The following KDM4C variants were observed in gnomAD, a reference collection of about 807,000 sequenced individuals.
KDM4C encodes the protein lysine demethylase 4C, also known as lysine-specific demethylase 4C.
A neutral mutation model predicts 129.3 loss-of-function variants in KDM4C; 81 were observed. The observed-to-expected ratio is 0.63, with a 90% CI of 0.52 to 0.75. The LOEUF (loss-of-function observed/expected upper bound fraction) is 0.75. KDM4C is among the 30% of genes least tolerant of loss of function. The pLI is 0.00. For synonymous variants in KDM4C, 573 were observed against 456.1 expected (o/e 1.26, Z -3.26); for missense variants, 1,457 against 1,304.0 (o/e 1.12, Z -1.81).
intron 8 of KDM4C, among the ~76,000 whole-genome samples, chr9:6,940,527 G>A (rs1009006085): frequency 6.6e-6 from 1 of 152,128 alleles, no homozygotes; most frequent in Non-Finnish European, 1.5e-5. Flanking sequence ...TAATAACAGT[G>A]CAAATTGCTA....
chr9:6,802,068 G>A lies in KDM4C; in HGVS notation c.145-3531G>A, dbSNP rs575063801. 1.2e-3 allele frequency among the ~76,000 whole-genome samples: 184 copies of A among 150,636 alleles called. 3 individuals are homozygous for A. The highest frequency in any genetic ancestry group is 6.8e-3 in the Middle Eastern group (2 of 292). Reference sequence around the variant, plus strand: ...TCCAGTGAGCTGACATCGCGCCATTGCACTCCAGCCTGGGGAACAAAAGAG... The same window carrying A: ...TCCAGTGAGCTGACATCGCGCCATTACACTCCAGCCTGGGGAACAAAAGAG... On this transcript the variant is annotated intron_variant, in intron 2 of 21. Coordinates refer to ENST00000381309, the MANE Select transcript of KDM4C (RefSeq NM_015061.6).
intron 5 of KDM4C, among the ~76,000 whole-genome samples, chr9:6,850,513 T>G (rs548216379): frequency 1.0e-3 from 159 of 152,230 alleles, no homozygotes; most frequent in African/African-American, 3.5e-3. Flanking sequence ...TGGCGCGATC[T>G]TGGCTCACTG....
chr9:6,848,369 C>G (rs10815471), intron 4 of KDM4C, among the ~76,000 whole-genome samples: 67,344 of 151,898 alleles, frequency 0.44, 16,125 homozygotes, highest in East Asian at 0.62. Context: ...GAACTGTAGT[C>G]AATTCATGAG....
At chr9:6,946,930 C>G (rs1016396337) in intron 8 of KDM4C, among the ~76,000 whole-genome samples, 4 of 152,032 alleles carry the variant, frequency 2.6e-5, no homozygotes, top group African/African-American at 9.7e-5. Flanking sequence ...ATGCATCTCA[C>G]TTCATTTGCT....
intron 4 of KDM4C, among the ~76,000 whole-genome samples, chr9:6,841,599 T>C (rs1836919500): frequency 6.6e-6 from 1 of 152,216 alleles, no homozygotes; most frequent in Admixed American, 6.5e-5. Context: ...CCCTAAAATA[T>C]GCCAGAGTGA....
chr9:6,927,448 T>C (rs929697482), intron 8 of KDM4C, among the ~76,000 whole-genome samples: 1 of 152,170 alleles, frequency 6.6e-6, no homozygotes, highest in African/African-American at 2.4e-5. Flanking sequence ...CTAACATTTA[T>C]TCCATATAGT....
intron 2 of KDM4C, among the ~76,000 whole-genome samples, 198 bp from the exon 3 acceptor site, chr9:6,805,401 T>G (rs1829778554): frequency 1.3e-5 from 2 of 152,104 alleles, no homozygotes; most frequent in African/African-American, 4.8e-5. Flanking sequence ...GTGTTTGGGA[T>G]AGTGAGTACT....
At chr9:7,003,472 C>T in intron 12 of KDM4C, among the ~76,000 whole-genome samples, 1 of 147,074 alleles carries the variant, frequency 6.8e-6, no homozygotes, top group South Asian at 2.1e-4. Flanking sequence ...GAAGTTGTGT[C>T]CTTTGGAATG....
intron 8 of KDM4C, among the ~76,000 whole-genome samples, chr9:6,947,306 A>T (rs1334403312): frequency 6.6e-6 from 1 of 152,184 alleles, no homozygotes. Context: ...ACATTTATTT[A>T]CATGAGAAAC....
intron 1 of KDM4C, among the ~76,000 whole-genome samples, chr9:6,760,214 C>T (rs1399741628): frequency 1.3e-5 from 2 of 151,682 alleles, no homozygotes; most frequent in African/African-American, 4.8e-5. Context: ...ACTATCTGGT[C>T]TTCTGTGAGT....
At chr9:6,903,889 T>G (rs575097018) in intron 8 of KDM4C, among the ~76,000 whole-genome samples, 158 of 152,330 alleles carry the variant, frequency 1.0e-3, no homozygotes, top group African/African-American at 3.6e-3. Context: ...CTACACAATG[T>G]TATTCAAGAT....
rs145582517 is a variant in KDM4C, at chr9:7,098,668, C to T, written c.2425-5017C>T. On this transcript the variant is annotated intron_variant, in intron 17 of 21. Transcript: ENST00000381309. ...CAGTGTCCTCCATTTCCTTCCCTCC[C>T]CAGCCACTCTTTAGCTGACTAGATA... Among the ~76,000 whole-genome samples, 131 of 152,288 alleles carry T rather than the reference C, an allele frequency of 8.6e-4. 1 individual carries two copies. The highest frequency in any genetic ancestry group is 3.0e-3 in the African/African-American group (124 of 41,554).
chr9:6,820,837 A>G (rs1005150437), intron 4 of KDM4C, among the ~76,000 whole-genome samples: 1 of 151,672 alleles, frequency 6.6e-6, no homozygotes, highest in Non-Finnish European at 1.5e-5. Context: ...CATCATTCAC[A>G]GTAGATATTT....
Position 6,788,668 on chromosome 9 carries a change from G to A in KDM4C, c.-17-4304G>A, listed in dbSNP as rs116641340. On this transcript the variant is annotated intron_variant, in intron 1 of 21. Coordinates refer to ENST00000381309, the MANE Select transcript of KDM4C (RefSeq NM_015061.6). ...TACTGTGAGCCAGGCTGGGGTGCCA[G>A]ACTGTATGCTAGGGCTTAAAGAGGT... Among the ~76,000 whole-genome samples, 496 of 152,312 alleles carry A rather than the reference G, an allele frequency of 3.3e-3. 3 individuals are homozygous for A. The highest frequency in any genetic ancestry group is 0.011 in the African/African-American group (477 of 41,570).
chr9:6,881,453 G>T (rs12350761), intron 6 of KDM4C, among the ~76,000 whole-genome samples: 1 of 151,930 alleles, frequency 6.6e-6, no homozygotes, highest in Non-Finnish European at 1.5e-5. Flanking sequence ...ACTTAACTAC[G>T]TAGGAAGTGA....
rs1242018015 is a variant in KDM4C, at chr9:6,951,518, G to C, written c.922-29407G>C. On this transcript the variant is annotated intron_variant, in intron 8 of 21. Transcript: ENST00000381309. ...GGAGTCGGCTTTCTATGAAAAAGAGGAATGTCTTGGGAACAGGAGTTAAGA... is the reference window on the plus strand; with the variant it reads ...GGAGTCGGCTTTCTATGAAAAAGAGCAATGTCTTGGGAACAGGAGTTAAGA... Among the ~76,000 whole-genome samples, 4 of 152,160 alleles carry C rather than the reference G, an allele frequency of 2.6e-5. No homozygotes were observed. The East Asian group carries it at 7.7e-4, about 29-fold the overall frequency.
chr9:6,984,464 CT>C (rs1817336609), intron 10 of KDM4C, 60 bp downstream of exon 10: 1 of 1,083,830 alleles, frequency 9.2e-7, no homozygotes, highest in African/African-American at 1.5e-5. Context: ...GATCAGATGT[CT>C]TAAATGGATG....
intron 1 of KDM4C, among the ~76,000 whole-genome samples, chr9:6,779,733 C>G (rs139398071): frequency 6.6e-6 from 1 of 152,290 alleles, no homozygotes; most frequent in East Asian, 1.9e-4. Flanking sequence ...AGAGCAGTGT[C>G]TATGGGTAAT....
intron 17 of KDM4C, chr9:7,076,624 TG>T: frequency 7.1e-7 from 1 of 1,407,008 alleles, no homozygotes; most frequent in Non-Finnish European, 9.2e-7. Context: ...AGCTCCTGAT[TG>T]AGTCAGACCC....
Sources: gnomAD v4.1 joint callset for allele counts (sites outside exome capture counted in the v4.1 genomes callset) on GRCh38, gnomAD v4.1.1 for gene constraint, MANE v1.5 for transcripts, NCBI Gene and HGNC (gene_info 2026-07-23, HGNC 2026-07-21) for gene names.